Variants in SETD1B observed in about 807,000 individuals in gnomAD.
The protein encoded by SETD1B is histone-lysine N-methyltransferase SETD1B.
SETD1B carries 7 observed loss-of-function variants against 148.0 expected under a neutral mutation model. That is an observed-to-expected ratio of 0.05 (90% CI 0.03 to 0.09). The LOEUF is 0.09. Ranked by LOEUF, SETD1B falls within the 10% of genes least tolerant of loss-of-function variation. SETD1B has a pLI of 1.00. For missense variants in SETD1B, 2,155 were observed against 2,729.9 expected (o/e 0.79, Z 4.69); for synonymous variants, 1,361 against 1,186.5 (o/e 1.15, Z -3.02).
At chr12:121,794,492 A>C in the SETD1B span, 36 of 152,352 alleles carry the variant, frequency 2.4e-4, no homozygotes, top group African/African-American at 8.4e-4. Context: ...AGTTGAAGTC[A>C]ACTTGGTCCC....
rs1392258413 is a variant in SETD1B at position 121,823,548 on chromosome 12, G to A, written c.4969G>A (p.Ala1657Thr). The A allele has an allele frequency of 6.4e-7, 1 of 1,551,122 alleles. No homozygotes were observed. The highest frequency in any genetic ancestry group is 8.7e-7 in the Non-Finnish European group (1 of 1,146,910). The change falls in exon 12 of 17, where the codon GCG becomes ACG. Residue 1657 changes from alanine to threonine, a missense_variant. Physicochemically the swap from Ala to Thr is moderately conservative, Grantham distance 58. This residue lies in a region of SETD1B where 862 missense variants were observed against 873.8 expected (regional missense o/e 0.99). Coordinates refer to ENST00000604567, the MANE Select transcript of SETD1B (RefSeq NM_001353345.2). ...GCGCCATGAGGACCTGGTGCCACCT[G>A]CGGGCTCGCCCGAACTCTCGCCACC... Reference protein sequence around the residue: ...KKRHEDLVPPAGSPELSPPQP... With the variant: ...KKRHEDLVPPTGSPELSPPQP...
the SETD1B span, chr12:121,793,078 G>C: frequency 6.1e-6 from 8 of 1,313,088 alleles, no homozygotes; most frequent in African/African-American, 1.0e-4. Flanking sequence ...GGGACACCCA[G>C]TGGGGGACGC....
chr12:121,814,314 A>C lies in SETD1B; in HGVS notation c.2099A>C (p.Gln700Pro). 1.6e-6 allele frequency: 1 copy of C among 628,428 alleles called. No homozygotes were observed. The highest frequency in any genetic ancestry group is 2.0e-6 in the Non-Finnish European group (1 of 510,098). The allele number at this position is 628,428 out of a possible 1,614,324, so 38.9% of individuals were successfully genotyped here. Residue 700 changes from glutamine to proline, a missense_variant, in exon 7 of 17, where the codon CAG becomes CCG. Physicochemically the swap from Gln to Pro is moderately conservative, Grantham distance 76. Around this residue, in one of 11 missense-constraint regions of SETD1B, gnomAD observed 295 missense variants for 303.8 expected, o/e 0.97. Transcript: ENST00000604567. ...LPPPPPPPPP[Q>P]PGFPMPPPLP... The stretch of plus-strand genomic sequence containing the variant: ...CCCCCACCACCACCACCCCCACCGC[A>C]GCCTGGCTTCCCCATGCCCCCACCG...
chr12:121,825,848 G>T (rs1449811117), intron 13 of SETD1B, among the ~76,000 whole-genome samples: 1 of 152,094 alleles, frequency 6.6e-6, no homozygotes, highest in Non-Finnish European at 1.5e-5. Flanking sequence ...GTTTTGCCAT[G>T]TTGGCCAGGT....
At position 121,825,207 on chromosome 12, in the gene SETD1B, C is replaced by A; in HGVS notation, c.5178C>A (p.Ser1726Arg). Residue 1726 changes from serine (S) to arginine (R), a missense_variant, in exon 13 of 17, where the codon AGC (serine) becomes AGA (arginine). Around this residue, in one of 11 missense-constraint regions of SETD1B, gnomAD observed 96 missense variants for 148.7 expected, o/e 0.65. Transcript: ENST00000604567. ...CCCTTGACCCACACCCACCCACCAGCCTCTCTTCAGCTAAGAAGAAGAAAC... is the reference window on the plus strand; with the variant it reads ...CCCTTGACCCACACCCACCCACCAGACTCTCTTCAGCTAAGAAGAAGAAAC... ...DTLWVYHPST[S>R]LSSAKKKKRD... The A allele has an allele frequency of 6.4e-7, 1 of 1,551,490 alleles. No homozygotes were observed. The highest frequency in any genetic ancestry group is 8.7e-7 in the Non-Finnish European group (1 of 1,146,974).
intron 16 of SETD1B, among the ~76,000 whole-genome samples, chr12:121,828,624 T>C (rs1001527132): frequency 1.3e-5 from 2 of 152,188 alleles, no homozygotes; most frequent in East Asian, 1.9e-4. Flanking sequence ...GGAGGGACAC[T>C]GATAACAGGG....
At chr12:121,797,029 C>CA in the SETD1B span, among the ~76,000 whole-genome samples, 1,904 of 98,034 alleles carry the variant, frequency 0.019, 23 homozygotes, top group African/African-American at 0.047. Context: ...AACTCTGTCT[C>CA]AAAAAAAAAA....
intron 11 of SETD1B, among the ~76,000 whole-genome samples, chr12:121,820,154 C>T (rs575214558): frequency 6.6e-6 from 1 of 152,370 alleles, no homozygotes; most frequent in East Asian, 1.9e-4. Flanking sequence ...TCCCTGGTGG[C>T]TTGGTCCTTG....
In SETD1B at chr12:121,831,867, G is replaced by A. The variant is rs1877111364; in HGVS notation, c.*1628G>A. The A allele has an allele frequency of 6.6e-6, 1 of 150,908 alleles. No homozygotes were observed. Among genetic ancestry groups the A allele is most frequent in the South Asian group, 2.1e-4 (1 of 4,760 alleles). 9.3% of individuals were successfully genotyped at this position (150,908 alleles called of 1,614,324 possible). A position where few individuals can be genotyped will look rare whatever the true frequency, so the allele number is the denominator to read the frequency against. On this transcript the variant is annotated 3_prime_UTR_variant, in exon 17 of 17. Transcript: ENST00000604567. ...AATTGTTATTTTTCTCTTTTTTGTT[G>A]TTGGTGGTTTTGTTGTGTGTTTTTT...
chr12:121,799,094 C>T (rs1037318636), upstream of SETD1B: 1 of 152,248 alleles, frequency 6.6e-6, no homozygotes, highest in Non-Finnish European at 1.5e-5. Flanking sequence ...GCACCAGGCC[C>T]GGTGGTCCAT....
chr12:121,793,106 T>TCGGG, the SETD1B span: 3 of 1,498,854 alleles, frequency 2.0e-6, no homozygotes, highest in East Asian at 4.9e-5. Context: ...GGGAAACCCT[T>TCGGG]CGGGCGGGCG....
At chr12:121,829,590 GATA>G (rs988670533) in intron 16 of SETD1B, among the ~76,000 whole-genome samples, 18 of 152,250 alleles carry the variant, frequency 1.2e-4, no homozygotes, top group African/African-American at 4.3e-4. Context: ...TAAAGGGCCA[GATA>G]ATAAATGTTT....
chr12:121,814,739 C>T lies in SETD1B; in HGVS notation c.2524C>T (p.Pro842Ser). Residue 842 changes from proline to serine, a missense_variant, in exon 7 of 17, where the codon CCG (proline) becomes TCG (serine). Pro to Ser is a moderately conservative substitution (Grantham distance 74). Transcript: ENST00000604567. ...QHWPPLPKFD[P>S]SVPPPGYMPR... ...CTGGCCACCACTGCCCAAGTTTGAC[C>T]CGTCAGTGCCTCCACCAGGCTACAT... The T allele has an allele frequency of 6.4e-7, 1 of 1,551,208 alleles. No individual in the cohort carries two copies. Among genetic ancestry groups the T allele is most frequent in the Non-Finnish European group, 8.7e-7 (1 of 1,146,980 alleles).
chr12:121,797,533 G>A, the SETD1B span: 1 of 456,556 alleles, frequency 2.2e-6, no homozygotes, highest in Non-Finnish European at 4.4e-6. Context: ...CAGCCAGGTG[G>A]GTCCCGACAC....
intron 13 of SETD1B, 139 bp downstream of exon 13, chr12:121,825,505 G>A (rs1361167653): frequency 2.9e-6 from 2 of 695,732 alleles, no homozygotes; most frequent in Non-Finnish European, 4.6e-6. Flanking sequence ...AAGTGGAAGG[G>A]GAGAGGCGGG....
At position 121,819,607 on chromosome 12, in the gene SETD1B, G is replaced by C. The variant is rs1241546653; in HGVS notation, c.3622G>C (p.Asp1208His). ...EESMASAGPE[D>H]FEQDGEEAAL... is the part of the protein sequence containing the mutation. ...AAGCATGGCTTCTGCAGGCCCTGAG[G>C]ACTTTGAGCAGGACGGGGAGGAAGC... Residue 1208 changes from aspartate (D) to histidine (H), a missense_variant, in exon 11 of 17, where the codon GAC becomes CAC. This residue lies in a region of SETD1B where 862 missense variants were observed against 873.8 expected (regional missense o/e 0.99). Transcript: ENST00000604567. 1.9e-6 allele frequency: 3 copies of C among 1,552,004 alleles called. No individual in the cohort carries two copies. The highest frequency in any genetic ancestry group is 2.6e-6 in the Non-Finnish European group (3 of 1,147,140).
chr12:121,816,259 C>T (rs747649033), intron 7 of SETD1B, among the ~76,000 whole-genome samples: 1 of 152,008 alleles, frequency 6.6e-6, no homozygotes, highest in Non-Finnish European at 1.5e-5. Context: ...CCCTCCACCC[C>T]ATTCCCCCCT....
At chr12:121,795,954 A>T in the SETD1B span, 1 of 144,856 alleles carries the variant, frequency 6.9e-6, no homozygotes, top group East Asian at 2.3e-4. Context: ...AGAACAGCTG[A>T]TACTGGCCCC....
chr12:121,814,670 G>T lies in SETD1B; in HGVS notation c.2455G>T (p.Gly819Cys). The part of the protein sequence containing the change: ...LQFVNLPPYR[G>C]PFSLSNSGPG... ...GTTTGTCAACCTGCCGCCCTACCGG[G>T]GCCCCTTCTCCCTGAGCAACTCCGG... The change falls in exon 7 of 17, where the codon GGC (glycine) becomes TGC (cysteine). Residue 819 changes from glycine (G) to cysteine (C), a missense_variant. Around this residue, in one of 11 missense-constraint regions of SETD1B, gnomAD observed 289 missense variants for 423.7 expected, o/e 0.68. Transcript: ENST00000604567. The T allele has an allele frequency of 6.5e-7, 1 of 1,549,600 alleles. No individual in the cohort carries two copies. The highest frequency in any genetic ancestry group is 8.7e-7 in the Non-Finnish European group (1 of 1,146,668).
Sources: allele counts gnomAD v4.1 joint callset (sites outside exome capture counted in the v4.1 genomes callset), GRCh38; gene constraint gnomAD v4.1.1; regional missense constraint gnomAD v4.1.1; transcripts MANE v1.5; gene names NCBI Gene and HGNC (gene_info 2026-07-23, HGNC 2026-07-21).